The following CHD6 variants were observed in gnomAD, a reference collection of about 807,000 sequenced individuals.
CHD6 encodes ATP-dependent chromatin remodeler CHD6.
In CHD6, 50 loss-of-function variants were observed where a neutral mutation model predicts 276.9. That is an observed-to-expected ratio of 0.18 (90% CI 0.14 to 0.23). The LOEUF (loss-of-function observed/expected upper bound fraction) is 0.23, where lower values mean the gene tolerates loss of function less well. CHD6 is among the 10% of genes least tolerant of loss of function. The pLI is 1.00. For synonymous variants in CHD6, 1,173 were observed against 1,229.3 expected, an observed-to-expected ratio of 0.95 and a Z score of 0.96; for missense variants, 2,564 against 3,365.8, an observed-to-expected ratio of 0.76 and a Z score of 5.89.
At chr20:41,520,431 C>T (rs1456103416) in intron 3 of CHD6, among the ~76,000 whole-genome samples, 1 of 152,044 alleles carries the variant, frequency 6.6e-6, no homozygotes, top group Non-Finnish European at 1.5e-5. Flanking sequence ...AAATGTCCAA[C>T]AATGATAGAC....
chr20:41,423,388 TG>T, intron 30 of CHD6, 103 bp downstream of exon 30: 1 of 1,059,460 alleles, frequency 9.4e-7, no homozygotes, highest in Non-Finnish European at 1.4e-6. Flanking sequence ...AAATTCCTCA[TG>T]TAGACTCTAG....
chr20:41,581,352 G>A (rs2045537108), intron 1 of CHD6, among the ~76,000 whole-genome samples: 2 of 152,228 alleles, frequency 1.3e-5, no homozygotes, highest in South Asian at 2.1e-4. Flanking sequence ...ATTCTTAGCT[G>A]CACATGATAG....
At chr20:41,498,299 G>C in intron 6 of CHD6, 73 bp from the exon 7 acceptor site, 1 of 1,005,118 alleles carries the variant, frequency 9.9e-7, no homozygotes, top group Non-Finnish European at 1.5e-6. Flanking sequence ...AAGAAAACAG[G>C]TAATCAATAT....
chr20:41,540,130 G>A (rs1042023205), intron 2 of CHD6, among the ~76,000 whole-genome samples: 6 of 152,154 alleles, frequency 3.9e-5, no homozygotes, highest in African/African-American at 1.4e-4. Context: ...TAAGCTTCCA[G>A]AGGCAGTGAT....
In CHD6 at chr20:41,451,765, G is replaced by C. The variant is rs1018706756; in HGVS notation, c.3523+61C>G. The C allele has an allele frequency of 2.1e-6, 3 of 1,423,034 alleles. No homozygotes were observed. In the African/African-American group the frequency reaches 4.2e-5, roughly 20 times the overall value. 88.2% of individuals were successfully genotyped at this position (1,423,034 alleles called of 1,614,324 possible). A position where few individuals can be genotyped will look rare whatever the true frequency, so the allele number is the denominator to read the frequency against. ...AAGCACAGCAATACGGCCCCGCAGAGGAAGAGGGGATGAAGTGCATGGGAA... is the reference window on the plus strand; with the variant it reads ...AAGCACAGCAATACGGCCCCGCAGACGAAGAGGGGATGAAGTGCATGGGAA... On this transcript the variant is annotated intron_variant, in intron 22 of 36. Coordinates refer to ENST00000373233, the MANE Select transcript of CHD6 (RefSeq NM_032221.5).
At chr20:41,430,645 A>C (rs1035892792) in intron 27 of CHD6, among the ~76,000 whole-genome samples, 3 of 152,204 alleles carry the variant, frequency 2.0e-5, no homozygotes, top group Admixed American at 2.0e-4. Flanking sequence ...GAGGGCCTAA[A>C]GTTTCCTCAG....
intron 17 of CHD6, among the ~76,000 whole-genome samples, chr20:41,470,264 C>T (rs2043024168): frequency 1.3e-5 from 2 of 152,060 alleles, no homozygotes; most frequent in South Asian, 4.2e-4. Flanking sequence ...CCACCAGTCC[C>T]ACTAACTAAT....
chr20:41,588,819 T>G (rs891768378), intron 1 of CHD6, among the ~76,000 whole-genome samples: 1 of 152,186 alleles, frequency 6.6e-6, no homozygotes, highest in Non-Finnish European at 1.5e-5. Flanking sequence ...TTTCTCCCCT[T>G]ATAGGATATG....
At chr20:41,575,708 C>T (rs145207924) in intron 1 of CHD6, among the ~76,000 whole-genome samples, 2 of 152,284 alleles carry the variant, frequency 1.3e-5, no homozygotes, top group East Asian at 3.9e-4. Context: ...TCCACTACAC[C>T]AAATCCAATC....
intron 17 of CHD6, among the ~76,000 whole-genome samples, chr20:41,472,748 C>T (rs574813911): frequency 6.6e-6 from 1 of 152,122 alleles, no homozygotes; most frequent in Non-Finnish European, 1.5e-5. Flanking sequence ...CCAATCTTTG[C>T]AGTAATCTTT....
At chr20:41,525,522 C>T (rs2044509965) in intron 3 of CHD6, among the ~76,000 whole-genome samples, 1 of 152,194 alleles carries the variant, frequency 6.6e-6, no homozygotes, top group Non-Finnish European at 1.5e-5. Flanking sequence ...CAGTATGATC[C>T]CACTGGACTT....
rs747783365 is a variant in CHD6, at chr20:41,421,502, C to T, written c.5133G>A (p.Lys1711=). ...ESLESMMYGK[K]VLSQEPSSFQ... The stretch of plus-strand genomic sequence containing the variant: ...AAGAGCTTGGTTCTTGGCTGAGCAC[C>T]TTCTTACCATACATCATGCTCTCTA... The change falls in exon 31 of 37, where the codon AAG becomes AAA. Residue 1711 remains lysine (K), a synonymous_variant. Transcript: ENST00000373233. 12 of 1,613,056 alleles carry T rather than the reference C, an allele frequency of 7.4e-6. No homozygotes were observed. In the South Asian group the frequency reaches 7.7e-5, roughly 10 times the overall value.
chr20:41,587,119 T>C (rs1199984337), intron 1 of CHD6, among the ~76,000 whole-genome samples: 4 of 152,212 alleles, frequency 2.6e-5, no homozygotes, highest in East Asian at 1.9e-4. Context: ...AATAAGGTCA[T>C]AGGCTATAAG....
intron 3 of CHD6, among the ~76,000 whole-genome samples, chr20:41,530,071 C>G (rs1021488904): frequency 2.3e-4 from 35 of 152,352 alleles, no homozygotes; most frequent in African/African-American, 7.7e-4. Flanking sequence ...ACCACCACCT[C>G]TGCTTCCGAG....
rs544198916 is a variant in CHD6 at position 41,426,417 on chromosome 20, T to C, written c.4069-264A>G. On this transcript the variant is annotated intron_variant, in intron 27 of 36. Transcript: ENST00000373233. The stretch of plus-strand genomic sequence containing the variant: ...GCCTGTAGAGAATCGGCTTGAGCAA[T>C]GATGAACTGGCACGCTCTCTCTGGC... Among the ~76,000 whole-genome samples the C allele has an allele frequency of 9.7e-4, 147 of 152,304 alleles. 1 individual carries two copies. The South Asian group carries it at 0.029, about 30-fold the overall frequency.
At chr20:41,422,507 C>A (rs2047228462) in intron 30 of CHD6, among the ~76,000 whole-genome samples, 1 of 152,026 alleles carries the variant, frequency 6.6e-6, no homozygotes, top group African/African-American at 2.4e-5. Context: ...ATTATCTGGG[C>A]ATGGTAGCAT....
Position 41,493,581 on chromosome 20 carries a change from T to A in CHD6, c.1271A>T (p.Lys424Ile). Residue 424 changes from lysine (K) to isoleucine (I), a missense_variant, in exon 10 of 37, where the codon AAA (lysine) becomes ATA (isoleucine). Transcript: ENST00000373233. ...GAGAACTTGAAGAGATTCAAATTCT[T>A]TAACTTTTGCAGGATCTACATCTTC... is the stretch of plus-strand genomic sequence containing the variant. ...LEEDVDPAKVKEFESLQVLPE... is the reference protein window; with the variant it reads ...LEEDVDPAKVIEFESLQVLPE... The A allele has an allele frequency of 3.7e-6, 6 of 1,613,920 alleles. No homozygotes were observed. Among genetic ancestry groups the A allele is most frequent in the Non-Finnish European group, 5.1e-6 (6 of 1,179,858 alleles).
chr20:41,497,210 T>C (rs762234213), intron 8 of CHD6, 174 bp downstream of exon 8: 2 of 586,588 alleles, frequency 3.4e-6, no homozygotes, highest in East Asian at 2.9e-5. Flanking sequence ...CTTTGGTGGA[T>C]AGTTTTCTTT....
intron 17 of CHD6, among the ~76,000 whole-genome samples, chr20:41,460,863 TCCA>T (rs1417491116): frequency 6.6e-6 from 1 of 152,114 alleles, no homozygotes; most frequent in Non-Finnish European, 1.5e-5. Flanking sequence ...GAACTGTAGA[TCCA>T]CTGACAGTTC....
Sources: allele counts gnomAD v4.1 joint callset (sites outside exome capture counted in the v4.1 genomes callset), GRCh38; gene constraint gnomAD v4.1.1; transcripts MANE v1.5; gene names NCBI Gene and HGNC (gene_info 2026-07-23, HGNC 2026-07-21).